The following MCUR1 variants were observed in gnomAD, a reference collection of about 807,000 sequenced individuals.
MCUR1 encodes MCU regulator 1.
In MCUR1, 37 loss-of-function variants were observed where a neutral mutation model predicts 42.0. The observed-to-expected ratio is 0.88, with a 90% CI of 0.68 to 1.16. The LOEUF (loss-of-function observed/expected upper bound fraction) is 1.16. Among genes scored for constraint, MCUR1 ranks in the 50% most tolerant of loss-of-function variants. MCUR1 has a pLI of 0.00. For missense variants in MCUR1, 469 were observed against 468.4 expected, an observed-to-expected ratio of 1.00 and a Z score of -0.01; for synonymous variants, 229 against 196.2, an observed-to-expected ratio of 1.17 and a Z score of -1.40.
At chr6:13,797,977 G>A (rs1165919127) in intron 6 of MCUR1, among the ~76,000 whole-genome samples, 2 of 151,488 alleles carry the variant, frequency 1.3e-5, no homozygotes, top group African/African-American at 2.4e-5. Context: ...GGGCAGACAC[G>A]GTGCCACTGC....
chr6:13,802,170 A>T (rs1429795185), intron 3 of MCUR1, 73 bp downstream of exon 3: 7 of 1,231,314 alleles, frequency 5.7e-6, no homozygotes, highest in African/African-American at 3.0e-5. Flanking sequence ...CCAAAAAATT[A>T]TATTAAAACA....
intron 2 of MCUR1, among the ~76,000 whole-genome samples, chr6:13,803,130 C>CA (rs1347101085): frequency 6.6e-6 from 1 of 152,060 alleles, no homozygotes; most frequent in Non-Finnish European, 1.5e-5. Flanking sequence ...GGCGCGATCT[C>CA]AGCTCACAGC....
chr6:13,788,325 TCTCTC>T lies in MCUR1; in HGVS notation c.*2479_*2483del, dbSNP rs1390879573. 4 of 152,154 alleles carry T rather than the reference TCTCTC, an allele frequency of 2.6e-5. No homozygotes were observed. Among genetic ancestry groups the T allele is most frequent in the Admixed American group, 2.6e-4 (4 of 15,270 alleles). The allele number at this position is 152,154 out of a possible 1,614,324, so 9.4% of individuals were successfully genotyped here. A position where few individuals can be genotyped will look rare whatever the true frequency, so the allele number is the denominator to read the frequency against. Reference sequence around the variant, plus strand: ...AAGTGAACACAGTCCTGAGCCCTCCTCTCTCCAGATATGCATGCAATCCACACCAT... The same window carrying T: ...AAGTGAACACAGTCCTGAGCCCTCCTCAGATATGCATGCAATCCACACCAT... On this transcript the variant is annotated 3_prime_UTR_variant, in exon 9 of 9. Transcript: ENST00000379170.
chr6:13,801,935 T>C (rs1433252208), intron 3 of MCUR1, among the ~76,000 whole-genome samples: 1 of 152,090 alleles, frequency 6.6e-6, no homozygotes, highest in Non-Finnish European at 1.5e-5. Context: ...AAAAGGGTGG[T>C]GATGTGAAGA....
chr6:13,786,646 T>C lies in MCUR1; in HGVS notation c.*4163A>G, dbSNP rs1186098312. On this transcript the variant is annotated 3_prime_UTR_variant, in exon 9 of 9. Transcript: ENST00000379170. ...ATTCACCAGTGTTATCATTATACAA[T>C]TGGCTGGAATTAACAGTTGCAATAC... 6.6e-6 allele frequency: 1 copy of C among 152,216 alleles called. No individual in the cohort carries two copies. Among genetic ancestry groups the C allele is most frequent in the Admixed American group, 6.5e-5 (1 of 15,276 alleles). 9.4% of individuals were successfully genotyped at this position (152,216 alleles called of 1,614,324 possible).
chr6:13,787,143 C>T lies in MCUR1; in HGVS notation c.*3666G>A, dbSNP rs2113444681. The T allele has an allele frequency of 6.6e-6, 1 of 152,246 alleles. No individual in the cohort carries two copies. Among genetic ancestry groups the T allele is most frequent in the East Asian group, 1.9e-4 (1 of 5,184 alleles). 9.4% of individuals were successfully genotyped at this position (152,246 alleles called of 1,614,324 possible). On this transcript the variant is annotated 3_prime_UTR_variant, in exon 9 of 9. Transcript: ENST00000379170. ...AATACTGACATGGTTAATTAACAGA[C>T]AGGCTTGAAAGGAGAAGGCTAGAAG...
chr6:13,803,141 A>G (rs1045164392), intron 2 of MCUR1, among the ~76,000 whole-genome samples: 3 of 152,204 alleles, frequency 2.0e-5, no homozygotes, highest in Admixed American at 2.0e-4. Flanking sequence ...AGCTCACAGC[A>G]ACCTCCACCT....
In MCUR1 at chr6:13,814,063, G is replaced by A; in HGVS notation, c.367C>T (p.Leu123Phe). 1 of 1,239,476 alleles carries A rather than the reference G, an allele frequency of 8.1e-7. No individual in the cohort carries two copies. The highest frequency in any genetic ancestry group is 4.0e-5 in the South Asian group (1 of 24,900). 76.8% of individuals were successfully genotyped at this position (1,239,476 alleles called of 1,614,324 possible). Residue 123 changes from leucine to phenylalanine, a missense_variant, in exon 1 of 9, where the codon CTT becomes TTT. Transcript: ENST00000379170. ...SPGVAAAAGALPQYHGPAPAL... is the reference protein window; with the variant it reads ...SPGVAAAAGAFPQYHGPAPAL... ...GGCGCCGGGCCGTGGTACTGGGGAA[G>A]GGCGCCGGCGGCAGCGGCGACGCCC...
intron 1 of MCUR1, among the ~76,000 whole-genome samples, chr6:13,813,793 G>C (rs562557285): frequency 6.6e-6 from 1 of 152,280 alleles, no homozygotes; most frequent in South Asian, 2.1e-4. Flanking sequence ...TTTAGCGCCC[G>C]GGATTCCCAG....
intron 5 of MCUR1, 65 bp from the exon 6 acceptor site, chr6:13,798,969 C>G (rs574946371): frequency 1.0e-6 from 1 of 967,362 alleles, no homozygotes; most frequent in Non-Finnish European, 1.7e-6. Flanking sequence ...TCTATGAGGA[C>G]GTGACACTGG....
chr6:13,796,231 T>G (rs1414125418), intron 6 of MCUR1, among the ~76,000 whole-genome samples: 1 of 151,966 alleles, frequency 6.6e-6, no homozygotes, highest in Non-Finnish European at 1.5e-5. Context: ...ACTCTATATA[T>G]CCAATAATTT....
At chr6:13,805,838 T>C (rs562838928) in intron 2 of MCUR1, among the ~76,000 whole-genome samples, 3 of 152,384 alleles carry the variant, frequency 2.0e-5, no homozygotes, top group South Asian at 2.1e-4. Flanking sequence ...TGTCTAAATA[T>C]GATTTAGTAT....
chr6:13,810,002 C>G (rs550783471), intron 1 of MCUR1, among the ~76,000 whole-genome samples: 1 of 151,944 alleles, frequency 6.6e-6, no homozygotes, highest in African/African-American at 2.4e-5. Context: ...CAGGCATTCA[C>G]GATCAGCCTG....
At chr6:13,805,452 ATTATC>A (rs753460301) in intron 2 of MCUR1, among the ~76,000 whole-genome samples, 25 of 152,222 alleles carry the variant, frequency 1.6e-4, no homozygotes, top group Non-Finnish European at 2.9e-4. Context: ...ATTCATGCGT[ATTATC>A]TTGTTTAATA....
At chr6:13,799,116 C>T (rs1759928311) in intron 5 of MCUR1, among the ~76,000 whole-genome samples, 1 of 152,116 alleles carries the variant, frequency 6.6e-6, no homozygotes, top group African/African-American at 2.4e-5. Flanking sequence ...CAGCCTGTCC[C>T]AGGACTTCCC....
At chr6:13,808,595 C>A (rs190749246) in intron 1 of MCUR1, among the ~76,000 whole-genome samples, 1 of 152,258 alleles carries the variant, frequency 6.6e-6, no homozygotes, top group African/African-American at 2.4e-5. Flanking sequence ...CTAGGTAATC[C>A]AAGTACATGA....
chr6:13,806,966 T>A lies in MCUR1; in HGVS notation c.494A>T (p.Tyr165Phe). Reference protein sequence around the residue: ...DFTSSGSRKLYFDTHALVCLL... With the variant: ...DFTSSGSRKLFFDTHALVCLL... Reference sequence around the variant, plus strand: ...GCACACTAAGGCATGAGTGTCGAAGTAGAGTTTCCTGCTCCCAGAAGAGGT... The same window carrying A: ...GCACACTAAGGCATGAGTGTCGAAGAAGAGTTTCCTGCTCCCAGAAGAGGT... Residue 165 changes from tyrosine (Y) to phenylalanine (F), a missense_variant, in exon 2 of 9, where the codon TAC (tyrosine) becomes TTC (phenylalanine). By Grantham distance (22) the Tyr-to-Phe change is conservative. Transcript: ENST00000379170. 2 of 1,613,608 alleles carry A rather than the reference T, an allele frequency of 1.2e-6. No individual in the cohort carries two copies. The highest frequency in any genetic ancestry group is 1.1e-5 in the South Asian group (1 of 91,052).
At chr6:13,808,845 T>A (rs148247374) in intron 1 of MCUR1, among the ~76,000 whole-genome samples, 1 of 152,210 alleles carries the variant, frequency 6.6e-6, no homozygotes, top group South Asian at 2.1e-4. Context: ...TTCTAATGCA[T>A]TGATCTATGT....
intron 6 of MCUR1, among the ~76,000 whole-genome samples, chr6:13,797,024 G>T (rs756223107): frequency 6.6e-6 from 1 of 152,198 alleles, no homozygotes; most frequent in Non-Finnish European, 1.5e-5. Flanking sequence ...GACTGTTGTT[G>T]TAAGACTAGA....
Sources: allele counts gnomAD v4.1 joint callset (sites outside exome capture counted in the v4.1 genomes callset), GRCh38; gene constraint gnomAD v4.1.1; transcripts MANE v1.5; gene names NCBI Gene and HGNC (gene_info 2026-07-23, HGNC 2026-07-21).